Variants in ZCCHC17 observed in about 807,000 individuals in gnomAD.
The protein encoded by ZCCHC17 is zinc finger CCHC-type containing 17.
Under a neutral mutation model 30.6 loss-of-function variants are expected in ZCCHC17, and 18 were observed. The observed-to-expected ratio is 0.59, with a 90% CI of 0.41 to 0.87. The LOEUF (loss-of-function observed/expected upper bound fraction) is 0.87, where lower values mean the gene tolerates loss of function less well. ZCCHC17 is among the 40% of genes least tolerant of loss of function. The pLI is 0.00. For missense variants in ZCCHC17, 263 were observed against 284.2 expected (o/e 0.93, Z 0.54); for synonymous variants, 88 against 92.4 (o/e 0.95, Z 0.27).
At position 31,335,979 on chromosome 1, in the gene ZCCHC17, T is replaced by C. The variant is rs955305979; in HGVS notation, c.125-1196T>C. ...TGTTTGCCATGCTGTTTTCCAGTTA[T>C]TGTTCATTAGGGTTGTTTTATGGTT... On this transcript the variant is annotated intron_variant, in intron 3 of 7. Coordinates refer to ENST00000344147, the MANE Select transcript of ZCCHC17 (RefSeq NM_016505.4). 5.9e-5 allele frequency among the ~76,000 whole-genome samples: 9 copies of C among 152,226 alleles called. No individual in the cohort carries two copies. In the South Asian group the frequency reaches 8.3e-4, roughly 14 times the overall value.
At chr1:31,354,795 T>C (rs539283948) in intron 7 of ZCCHC17, among the ~76,000 whole-genome samples, 2 of 152,348 alleles carry the variant, frequency 1.3e-5, no homozygotes, top group African/African-American at 4.8e-5. Context: ...GTCAACCTAC[T>C]ACCCAGCCCT....
intron 6 of ZCCHC17, among the ~76,000 whole-genome samples, chr1:31,347,730 C>G (rs1339145486): frequency 6.6e-6 from 1 of 152,130 alleles, no homozygotes; most frequent in Non-Finnish European, 1.5e-5. Flanking sequence ...CTACCTCAGC[C>G]TCCTGAGTAG....
At chr1:31,302,748 G>C (rs1646349393) in intron 1 of ZCCHC17, among the ~76,000 whole-genome samples, 1 of 152,114 alleles carries the variant, frequency 6.6e-6, no homozygotes. Context: ...GTCTTAAGTG[G>C]TGTCAGAGGA....
At chr1:31,306,146 TC>T (rs2148408869) in intron 1 of ZCCHC17, among the ~76,000 whole-genome samples, 1 of 152,300 alleles carries the variant, frequency 6.6e-6, no homozygotes, top group African/African-American at 2.4e-5. Context: ...ATTTCAGACA[TC>T]GAAGATTCAT....
chr1:31,352,364 AC>A (rs1434876364), intron 7 of ZCCHC17, among the ~76,000 whole-genome samples: 5 of 152,006 alleles, frequency 3.3e-5, no homozygotes, highest in Admixed American at 6.6e-5. Flanking sequence ...CTGTCTTGAA[AC>A]CATGTGGTAT....
At chr1:31,340,936 T>C (rs1340789211) in intron 5 of ZCCHC17, among the ~76,000 whole-genome samples, 1 of 152,206 alleles carries the variant, frequency 6.6e-6, no homozygotes, top group Non-Finnish European at 1.5e-5. Context: ...GAATACATAC[T>C]GCAGTGCCAG....
chr1:31,330,910 C>G (rs532533633), intron 3 of ZCCHC17, among the ~76,000 whole-genome samples: 23 of 152,274 alleles, frequency 1.5e-4, no homozygotes, highest in African/African-American at 5.5e-4. Flanking sequence ...GAAGTCTCTC[C>G]CAAGAATTCA....
chr1:31,346,876 C>A, intron 6 of ZCCHC17, 136 bp downstream of exon 6: 1 of 1,509,038 alleles, frequency 6.6e-7, no homozygotes, highest in African/African-American at 1.4e-5. Flanking sequence ...TTTTTTCCAC[C>A]AGACTCACAT....
intron 1 of ZCCHC17, among the ~76,000 whole-genome samples, chr1:31,297,364 A>G (rs1646189435): frequency 6.6e-6 from 1 of 152,202 alleles, no homozygotes; most frequent in Non-Finnish European, 1.5e-5. Context: ...CCTGCGTCCC[A>G]GCCTCCTCCG....
Position 31,345,024 on chromosome 1 carries a change from A to AT in ZCCHC17, c.318-1600dup, listed in dbSNP as rs546042719. Among the ~76,000 whole-genome samples, 1,148 of 134,732 alleles carry AT rather than the reference A, an allele frequency of 8.5e-3. 67 individuals are homozygous for AT. The East Asian group carries it at 0.16, about 18-fold the overall frequency. The allele number at this position is 134,732 out of a possible 152,430, so 88.4% of individuals were successfully genotyped here. Reference sequence around the variant, plus strand: ...CAAACACAAGCCACCATGCCTGGCTATTTTTTTTTTTTTTTTAAGTAAAAG... The same window carrying AT: ...CAAACACAAGCCACCATGCCTGGCTATTTTTTTTTTTTTTTTTAAGTAAAAG... On this transcript the variant is annotated intron_variant, in intron 5 of 7. Transcript: ENST00000344147.
At chr1:31,303,511 G>GT (rs979522941) in intron 1 of ZCCHC17, among the ~76,000 whole-genome samples, 2 of 152,202 alleles carry the variant, frequency 1.3e-5, no homozygotes, top group African/African-American at 4.8e-5. Flanking sequence ...GACCAGGTCA[G>GT]TAAGGTGACA....
chr1:31,355,174 CAATTAAAAAAAA>C (rs1257538571), intron 7 of ZCCHC17, among the ~76,000 whole-genome samples: 1 of 72,210 alleles, frequency 1.4e-5, no homozygotes, highest in Non-Finnish European at 3.7e-5. Flanking sequence ...GACTCCATCT[CAATTAAAAAAAA>C]AAAAAAAAAA....
intron 7 of ZCCHC17, among the ~76,000 whole-genome samples, chr1:31,359,847 A>G (rs536475885): frequency 2.6e-5 from 4 of 152,148 alleles, no homozygotes; most frequent in Admixed American, 2.6e-4. Flanking sequence ...ACTTGAATCC[A>G]TGTCATTTTT....
intron 7 of ZCCHC17, among the ~76,000 whole-genome samples, chr1:31,358,846 A>G (rs571249136): frequency 6.6e-6 from 1 of 152,290 alleles, no homozygotes; most frequent in South Asian, 2.1e-4. Flanking sequence ...ATCTACATAT[A>G]GATGGTATTT....
chr1:31,361,596 C>T (rs1639896418), intron 7 of ZCCHC17, among the ~76,000 whole-genome samples: 1 of 152,162 alleles, frequency 6.6e-6, no homozygotes, highest in Admixed American at 6.5e-5. Context: ...CATGAGGCCT[C>T]CTGTTACCAT....
At chr1:31,339,849 T>TA (rs1488075829) in intron 5 of ZCCHC17, among the ~76,000 whole-genome samples, 3 of 152,144 alleles carry the variant, frequency 2.0e-5, no homozygotes, top group Admixed American at 1.3e-4. Context: ...AACAACATCT[T>TA]ACTTTCGTTG....
chr1:31,321,746 T>A (rs531300043), intron 3 of ZCCHC17, among the ~76,000 whole-genome samples: 1 of 152,282 alleles, frequency 6.6e-6, no homozygotes, highest in South Asian at 2.1e-4. Flanking sequence ...GGATTAAAGG[T>A]GTGAGCCACC....
intron 7 of ZCCHC17, among the ~76,000 whole-genome samples, chr1:31,357,084 T>G (rs1639671875): frequency 6.6e-6 from 1 of 152,238 alleles, no homozygotes. Flanking sequence ...CTGATTATAG[T>G]AAACTTTAGA....
intron 6 of ZCCHC17, 58 bp from the exon 7 acceptor site, chr1:31,348,771 C>T: frequency 6.2e-7 from 1 of 1,603,040 alleles, no homozygotes; most frequent in Non-Finnish European, 8.5e-7. Flanking sequence ...GAAAGATTCA[C>T]TTGCTGAGAA....
Sources: gnomAD v4.1 joint callset for allele counts (sites outside exome capture counted in the v4.1 genomes callset) on GRCh38, gnomAD v4.1.1 for gene constraint, MANE v1.5 for transcripts, NCBI Gene and HGNC (gene_info 2026-07-23, HGNC 2026-07-21) for gene names.